The following EML1 variants were observed in gnomAD, a reference collection of about 807,000 sequenced individuals.
EML1 encodes EMAP like 1.
In EML1, 27 loss-of-function variants were observed where a neutral mutation model predicts 110.4. The observed-to-expected ratio is 0.24, with a 90% CI of 0.18 to 0.34. The LOEUF (loss-of-function observed/expected upper bound fraction) is 0.34. Among genes scored for constraint, EML1 ranks in the 10% least tolerant of loss-of-function variants. The pLI is 1.00. For synonymous variants in EML1, 344 were observed against 385.8 expected, an observed-to-expected ratio of 0.89 and a Z score of 1.27; for missense variants, 741 against 1,030.9, an observed-to-expected ratio of 0.72 and a Z score of 3.85.
In EML1 at chr14:99,936,714, C is replaced by T. The variant is rs563029031; in HGVS notation, c.2095+380C>T. Among the ~76,000 whole-genome samples, 130 of 152,290 alleles carry T rather than the reference C, an allele frequency of 8.5e-4. 1 individual carries two copies. Among genetic ancestry groups the T allele is most frequent in the African/African-American group, 3.1e-3 (129 of 41,570 alleles). On this transcript the variant is annotated intron_variant, in intron 19 of 21. Coordinates refer to ENST00000262233, the MANE Select transcript of EML1 (RefSeq NM_004434.3). The surrounding 1 kb of genome is among the most constrained non-coding windows in gnomAD (Gnocchi z 5.5). ...AGGGCCTGTAAAGGTGTTATCCTCA[C>T]AGGAGGGACCATGAAGTCCATCCCC...
chr14:99,797,069 T>A (rs10151491), intron 1 of EML1, among the ~76,000 whole-genome samples: 1 of 152,214 alleles, frequency 6.6e-6, no homozygotes, highest in Non-Finnish European at 1.5e-5. Flanking sequence ...ACCTTTGCAT[T>A]ACTCCAGAAG....
At chr14:99,786,558 G>A (rs1435142597) in intron 1 of EML1, among the ~76,000 whole-genome samples, 1 of 152,206 alleles carries the variant, frequency 6.6e-6, no homozygotes, top group African/African-American at 2.4e-5. Flanking sequence ...AGGCCCTGTT[G>A]ATGGGGCAGC....
upstream of EML1, chr14:99,793,273 C>T (rs2057702137): frequency 6.3e-6 from 6 of 951,482 alleles, no homozygotes; most frequent in Non-Finnish European, 7.5e-6. Flanking sequence ...GAGGCCGCCC[C>T]CTCGCGGGCG....
intron 1 of EML1, among the ~76,000 whole-genome samples, chr14:99,767,341 C>T (rs766754306): frequency 1.6e-4 from 25 of 152,206 alleles, no homozygotes; most frequent in African/African-American, 4.1e-4. Flanking sequence ...CGGTGGCTCA[C>T]GCCTGTAATC....
At chr14:99,900,784 A>G in intron 8 of EML1, 145 bp from the exon 9 acceptor site, 1 of 664,518 alleles carries the variant, frequency 1.5e-6, no homozygotes, top group East Asian at 2.7e-5. Context: ...TTATTTACAT[A>G]AAAAGGCAGA....
chr14:99,879,724 G>A (rs920792702), intron 4 of EML1, among the ~76,000 whole-genome samples: 1 of 152,160 alleles, frequency 6.6e-6, no homozygotes, highest in Non-Finnish European at 1.5e-5. Flanking sequence ...CTTCTTATCA[G>A]AAGATTATGC....
At position 99,784,130 on chromosome 14, in the gene EML1, G is replaced by A. The variant is rs746976265; in HGVS notation, c.-27+10117G>A. Among the ~76,000 whole-genome samples, 9 of 150,922 alleles carry A rather than the reference G, an allele frequency of 6.0e-5. No homozygotes were observed. Among genetic ancestry groups the A allele is most frequent in the East Asian group, 1.9e-4 (1 of 5,140 alleles). On this transcript the variant is annotated intron_variant, in intron 1 of 22. Coordinates refer to the EML1 transcript ENST00000327921. The surrounding 1 kb of genome is among the most constrained non-coding windows in gnomAD (Gnocchi z 4.5). ...TTTTGAGATAGGATCTTGCTCTGTC[G>A]CCCAGGCTGGAGTGCAGTGGCACGA...
intron 5 of EML1, chr14:99,892,303 T>A (rs1326288047): frequency 1.4e-6 from 1 of 716,304 alleles, no homozygotes; most frequent in African/African-American, 1.9e-5. Context: ...ATGAAAATGT[T>A]TTTGTGTTGC....
intron 4 of EML1, among the ~76,000 whole-genome samples, chr14:99,887,372 C>T (rs144325920): frequency 3.3e-5 from 5 of 152,098 alleles, no homozygotes; most frequent in Admixed American, 1.3e-4. Flanking sequence ...GTTTGTTCAC[C>T]GGGGGGGCAA....
rs181924168 is a variant in EML1 at position 99,820,399 on chromosome 14, C to T, written c.67+26856C>T. Among the ~76,000 whole-genome samples, 12 of 152,262 alleles carry T rather than the reference C, an allele frequency of 7.9e-5. No individual in the cohort carries two copies. In the East Asian group the frequency reaches 2.3e-3, roughly 29 times the overall value. On this transcript the variant is annotated intron_variant, in intron 1 of 21. Transcript: ENST00000262233. ...AAGCTTCTGTACGTCTTGGACCTTA[C>T]TATTGGTAGCCCGTGCTCAGCAGCT... is the stretch of plus-strand genomic sequence containing the variant.
chr14:99,740,517 A>C (rs2057029585), intron 1 of EML1, among the ~76,000 whole-genome samples: 1 of 152,202 alleles, frequency 6.6e-6, no homozygotes, highest in Non-Finnish European at 1.5e-5. Context: ...GCAGAGCAGG[A>C]GCACAGCAGG....
chr14:99,934,045 A>G (rs1411443254), intron 17 of EML1, among the ~76,000 whole-genome samples: 1 of 152,234 alleles, frequency 6.6e-6, no homozygotes, highest in Non-Finnish European at 1.5e-5. Flanking sequence ...CAGTGAGCTG[A>G]GATCGTGCCA....
At chr14:99,893,069 C>T (rs2059614461) in intron 5 of EML1, among the ~76,000 whole-genome samples, 1 of 152,152 alleles carries the variant, frequency 6.6e-6, no homozygotes, top group Non-Finnish European at 1.5e-5. Flanking sequence ...AAGAGAACAG[C>T]ATGAGCGGTG....
chr14:99,914,835 C>A, intron 15 of EML1, 138 bp downstream of exon 15: 1 of 1,143,062 alleles, frequency 8.7e-7, no homozygotes, highest in South Asian at 1.5e-5. Context: ...GTTGCCTTAA[C>A]ATTGCAATTG....
At chr14:99,925,020 T>C (rs184618349) in intron 17 of EML1, among the ~76,000 whole-genome samples, 2 of 152,296 alleles carry the variant, frequency 1.3e-5, no homozygotes, top group East Asian at 3.9e-4. Context: ...TAACAGATAT[T>C]GGTGTATAGT....
In EML1 at chr14:99,905,597, A is replaced by G. The variant is rs538913850; in HGVS notation, c.1009-2041A>G. Among the ~76,000 whole-genome samples, 4 of 152,318 alleles carry G rather than the reference A, an allele frequency of 2.6e-5. No individual in the cohort carries two copies. Among genetic ancestry groups the G allele is most frequent in the African/African-American group, 9.6e-5 (4 of 41,576 alleles). ...TTAAATTTCCCCTTTTGGGGAGGAA[A>G]AAGTTCCCCATGTCCCATGATCTTG... On this transcript the variant is annotated intron_variant, in intron 9 of 21. Transcript: ENST00000262233. This position sits in a 1 kb window ranked among gnomAD's most constrained non-coding sequence, Gnocchi z 4.1.
At chr14:99,917,246 T>C (rs2060048872) in intron 15 of EML1, among the ~76,000 whole-genome samples, 1 of 152,106 alleles carries the variant, frequency 6.6e-6, no homozygotes, top group Non-Finnish European at 1.5e-5. Flanking sequence ...AATGAGAGGA[T>C]GTAAGACAAA....
upstream of EML1, chr14:99,793,295 G>A (rs2057702668): frequency 4.1e-6 from 4 of 977,060 alleles, no homozygotes; most frequent in Non-Finnish European, 4.8e-6. Flanking sequence ...AGCGGGCGCT[G>A]GGCTCGCGCG....
intron 1 of EML1, among the ~76,000 whole-genome samples, chr14:99,796,363 A>C (rs1226135607): frequency 6.6e-6 from 1 of 152,206 alleles, no homozygotes; most frequent in East Asian, 1.9e-4. Context: ...AAAGTTAGGC[A>C]GTATCTAGCC....
Sources: gnomAD v4.1 joint callset for allele counts (sites outside exome capture counted in the v4.1 genomes callset) on GRCh38, gnomAD v4.1.1 for gene constraint, Gnocchi (gnomAD v3.1) non-coding constraint, MANE v1.5 for transcripts, NCBI Gene and HGNC (gene_info 2026-07-23, HGNC 2026-07-21) for gene names.